Variants in SYT9 observed in about 807,000 individuals in gnomAD.
SYT9 encodes synaptotagmin-9.
A neutral mutation model predicts 48.4 loss-of-function variants in SYT9; 22 were observed. The observed-to-expected ratio is 0.45, with a 90% CI of 0.32 to 0.65. The LOEUF (loss-of-function observed/expected upper bound fraction) is 0.65, where lower values mean the gene tolerates loss of function less well. SYT9 is among the 30% of genes least tolerant of loss of function. The pLI, the probability that SYT9 is intolerant of heterozygous loss-of-function variation, is 0.03. For missense variants in SYT9, 577 were observed against 622.0 expected (o/e 0.93, Z 0.77); for synonymous variants, 265 against 245.0 (o/e 1.08, Z -0.76).
At chr11:7,311,839 C>A (rs1849139895) in intron 2 of SYT9, among the ~76,000 whole-genome samples, 2 of 152,200 alleles carry the variant, frequency 1.3e-5, no homozygotes. Context: ...TCTATTCTAG[C>A]ACTACATTGG....
intron 3 of SYT9, among the ~76,000 whole-genome samples, chr11:7,356,764 T>C (rs1850029950): frequency 6.6e-6 from 1 of 152,232 alleles, no homozygotes; most frequent in South Asian, 2.1e-4. Flanking sequence ...AATATAGTTA[T>C]TTTTTATTTC....
intron 3 of SYT9, among the ~76,000 whole-genome samples, chr11:7,362,153 A>AT (rs977717492): frequency 2.1e-4 from 18 of 87,282 alleles, no homozygotes; most frequent in South Asian, 1.4e-3. Flanking sequence ...TTTTTTTTTT[A>AT]TTTTTTTTTG....
At chr11:7,429,329 GCTCT>G (rs1190990923) in intron 6 of SYT9, among the ~76,000 whole-genome samples, 4 of 152,150 alleles carry the variant, frequency 2.6e-5, no homozygotes, top group Non-Finnish European at 4.4e-5. Context: ...GGACAAAGAT[GCTCT>G]CTCTTTCTTG....
intron 3 of SYT9, among the ~76,000 whole-genome samples, chr11:7,390,420 A>G (rs1320411675): frequency 3.3e-5 from 5 of 152,190 alleles, no homozygotes; most frequent in African/African-American, 1.2e-4. Context: ...AAAATGAGCC[A>G]TGTGTCATGG....
At chr11:7,301,851 T>A (rs1848925806) in intron 1 of SYT9, among the ~76,000 whole-genome samples, 1 of 152,166 alleles carries the variant, frequency 6.6e-6, no homozygotes, top group Non-Finnish European at 1.5e-5. Context: ...CAGAAATGCA[T>A]TCAGATTGAT....
In SYT9 at chr11:7,418,206, C is replaced by T. The variant is rs1043110065; in HGVS notation, c.1337+78C>T. On this transcript the variant is annotated intron_variant, in intron 5 of 6. Coordinates refer to ENST00000318881, the MANE Select transcript of SYT9 (RefSeq NM_175733.4). ...GAAGGCAGAGGGGGAGCAGCAGCCA[C>T]AGATTCTTACCTGGTGTCCCAGGCT... is the stretch of plus-strand genomic sequence containing the variant. 6 of 1,501,202 alleles carry T rather than the reference C, an allele frequency of 4.0e-6. No homozygotes were observed. In the African/African-American group the frequency reaches 8.3e-5, roughly 21 times the overall value. The allele number at this position is 1,501,202 out of a possible 1,614,324, so 93.0% of individuals were successfully genotyped here. A position where few individuals can be genotyped will look rare whatever the true frequency, so the allele number is the denominator to read the frequency against.
intron 1 of SYT9, among the ~76,000 whole-genome samples, chr11:7,263,425 A>T (rs1017937671): frequency 6.6e-6 from 1 of 152,200 alleles, no homozygotes; most frequent in Non-Finnish European, 1.5e-5. Context: ...TAGCATTATC[A>T]TACTAGGGAT....
intron 3 of SYT9, among the ~76,000 whole-genome samples, chr11:7,330,448 T>A (rs774153197): frequency 1.8e-4 from 28 of 151,834 alleles, no homozygotes; most frequent in Non-Finnish European, 3.8e-4. Flanking sequence ...TGGGAGGAGG[T>A]GAAACTGCAA....
At chr11:7,288,970 AC>A in intron 1 of SYT9, among the ~76,000 whole-genome samples, 1 of 152,182 alleles carries the variant, frequency 6.6e-6, no homozygotes, top group African/African-American at 2.4e-5. Flanking sequence ...TGCTGCTTGG[AC>A]CCCTGGTGAT....
rs77126882 is a variant in SYT9, at chr11:7,352,102, T to G, written c.1044+38161T>G. 7.1e-3 allele frequency among the ~76,000 whole-genome samples: 1,082 copies of G among 152,282 alleles called. 9 individuals carry two copies. Among genetic ancestry groups the G allele is most frequent in the Non-Finnish European group, 0.011 (748 of 68,016 alleles). On this transcript the variant is annotated intron_variant, in intron 3 of 6. Coordinates refer to ENST00000318881, the MANE Select transcript of SYT9 (RefSeq NM_175733.4). Reference sequence around the variant, plus strand: ...AACTAGCTCAGCAGATAACTGAACATCCCTGAGGGGCTTGGGAAATATATG... The same window carrying G: ...AACTAGCTCAGCAGATAACTGAACAGCCCTGAGGGGCTTGGGAAATATATG...
intron 3 of SYT9, among the ~76,000 whole-genome samples, chr11:7,362,539 C>T (rs970828815): frequency 6.6e-6 from 1 of 152,054 alleles, no homozygotes; most frequent in African/African-American, 2.4e-5. Flanking sequence ...CCCATGGGTG[C>T]CCCAAACCCA....
intron 1 of SYT9, among the ~76,000 whole-genome samples, chr11:7,266,708 C>T (rs1376192155): frequency 2.6e-5 from 4 of 152,046 alleles, no homozygotes; most frequent in African/African-American, 9.7e-5. Context: ...GGCAGAGTAA[C>T]AAAACAGGAG....
chr11:7,257,176 C>T (rs1329792478), intron 1 of SYT9, among the ~76,000 whole-genome samples: 2 of 152,160 alleles, frequency 1.3e-5, no homozygotes, highest in Admixed American at 1.3e-4. Context: ...ATCCGCCTAA[C>T]CCTTCTCAGC....
chr11:7,416,154 G>C lies in SYT9; in HGVS notation c.1157G>C (p.Gly386Ala). ...AATTTAAAGGCAATGGACATAACAG[G>C]AGCATCAGGTGGGGCATTTTCAAAT... ...ARNLKAMDIT[G>A]ASDPYVKVSL... The change falls in exon 4 of 7, where the codon GGA becomes GCA. Residue 386 changes from glycine (G) to alanine (A), a missense_variant. Gly to Ala is a moderately conservative substitution (Grantham distance 60). Coordinates refer to ENST00000318881, the MANE Select transcript of SYT9 (RefSeq NM_175733.4). The C allele has an allele frequency of 6.2e-7, 1 of 1,614,158 alleles. No homozygotes were observed. The highest frequency in any genetic ancestry group is 8.5e-7 in the Non-Finnish European group (1 of 1,180,008).
chr11:7,352,439 G>T (rs746056724), intron 3 of SYT9, among the ~76,000 whole-genome samples: 1 of 152,118 alleles, frequency 6.6e-6, no homozygotes, highest in Non-Finnish European at 1.5e-5. Context: ...TGAAATCAAC[G>T]AATGCACTTT....
At chr11:7,273,892 G>T (rs1848339811) in intron 1 of SYT9, among the ~76,000 whole-genome samples, 1 of 148,036 alleles carries the variant, frequency 6.8e-6, no homozygotes, top group Admixed American at 6.7e-5. Flanking sequence ...ACACACCAGG[G>T]CCTGTCAGGG....
chr11:7,317,156 A>C (rs572638891), intron 3 of SYT9, among the ~76,000 whole-genome samples: 24 of 152,322 alleles, frequency 1.6e-4, no homozygotes, highest in Non-Finnish European at 7.4e-5. Context: ...TTTGTGTCCT[A>C]CTTAAGAAGT....
chr11:7,289,150 C>G (rs79991812), intron 1 of SYT9, among the ~76,000 whole-genome samples: 6 of 152,312 alleles, frequency 3.9e-5, no homozygotes, highest in Non-Finnish European at 8.8e-5. Context: ...GCTGCAGACT[C>G]CCCTCTTTCC....
At position 7,238,805 on chromosome 11, in the gene SYT9, C is replaced by A. The variant is rs1483363611; in HGVS notation, c.-63C>A. ...AGTCCTGAGCTTTGTCAACATGATC[C>A]TCCTGCCTGAGACTTCAATTTGGGA... is the stretch of plus-strand genomic sequence containing the variant. On this transcript the variant is annotated 5_prime_UTR_variant and NMD_transcript_variant, in exon 1 of 9. Transcript: ENST00000524820. 3 of 455,152 alleles carry A rather than the reference C, an allele frequency of 6.6e-6. No homozygotes were observed. In the Admixed American group the frequency reaches 7.1e-5, roughly 11 times the overall value. The allele number at this position is 455,152 out of a possible 1,614,324, so 28.2% of individuals were successfully genotyped here. A position where few individuals can be genotyped will look rare whatever the true frequency, so the allele number is the denominator to read the frequency against.
Sources: allele counts gnomAD v4.1 joint callset (sites outside exome capture counted in the v4.1 genomes callset), GRCh38; gene constraint gnomAD v4.1.1; transcripts MANE v1.5; gene names NCBI Gene and HGNC (gene_info 2026-07-23, HGNC 2026-07-21).